Variants in OSBPL3 observed in about 807,000 individuals in gnomAD.
The protein encoded by OSBPL3 is oxysterol-binding protein-related protein 3.
In OSBPL3, 65 loss-of-function variants were observed where a neutral mutation model predicts 120.1. The observed-to-expected ratio is 0.54, with a 90% CI of 0.44 to 0.67. OSBPL3 has a LOEUF of 0.67. Among genes scored for constraint, OSBPL3 ranks in the 30% least tolerant of loss-of-function variants. The probability of loss-of-function intolerance (pLI) is 0.00; values close to 1 mark genes in which losing one functional copy is unlikely to be tolerated. For synonymous variants in OSBPL3, 416 were observed against 402.6 expected (o/e 1.03, Z -0.40); for missense variants, 1,004 against 1,082.1 (o/e 0.93, Z 1.01).
chr7:24,862,918 T>C lies in OSBPL3; in HGVS notation c.870+282A>G, dbSNP rs1584419218. 6.6e-6 allele frequency among the ~76,000 whole-genome samples: 1 copy of C among 152,052 alleles called. No individual in the cohort carries two copies. Among genetic ancestry groups the C allele is most frequent in the Non-Finnish European group, 1.5e-5 (1 of 68,008 alleles). On this transcript the variant is annotated intron_variant, in intron 9 of 22. Coordinates refer to ENST00000313367, the MANE Select transcript of OSBPL3 (RefSeq NM_015550.4). This position sits in a 1 kb window ranked among gnomAD's most constrained non-coding sequence, Gnocchi z 4.4. ...GCACAGGCAGGCTCAACAGTGAAGG[T>C]GGGGAAACCAAAAGCCCTAGAAATG...
intron 1 of OSBPL3, among the ~76,000 whole-genome samples, chr7:24,944,563 G>A (rs1813488172): frequency 6.6e-6 from 1 of 151,932 alleles, no homozygotes; most frequent in Non-Finnish European, 1.5e-5. Context: ...CCAGGAGGCG[G>A]AGGTTGCAGT....
In OSBPL3 at chr7:24,940,903, T is replaced by A. The variant is rs577780246; in HGVS notation, c.-150+38983A>T. 6.6e-6 allele frequency among the ~76,000 whole-genome samples: 1 copy of A among 151,476 alleles called. No individual in the cohort carries two copies. Among genetic ancestry groups the A allele is most frequent in the Non-Finnish European group, 1.5e-5 (1 of 67,922 alleles). On this transcript the variant is annotated intron_variant, in intron 1 of 22. Coordinates refer to ENST00000313367, the MANE Select transcript of OSBPL3 (RefSeq NM_015550.4). This position sits in a 1 kb window ranked among gnomAD's most constrained non-coding sequence, Gnocchi z 4.4. ...GGCGCGATCTCGGCTCACTGCAAGC[T>A]CTGCCTCCCGGGTTCAAGCCATTCT... is the stretch of plus-strand genomic sequence containing the variant.
chr7:24,854,413 G>A lies in OSBPL3; in HGVS notation c.1028-1779C>T, dbSNP rs760271334. 5.9e-5 allele frequency among the ~76,000 whole-genome samples: 9 copies of A among 151,702 alleles called. No individual in the cohort carries two copies. The highest frequency in any genetic ancestry group is 1.3e-4 in the Non-Finnish European group (9 of 67,988). On this transcript the variant is annotated intron_variant, in intron 10 of 22. Transcript: ENST00000313367. The surrounding 1 kb of genome is among the most constrained non-coding windows in gnomAD (Gnocchi z 4.1). ...GGAGGACAACTAAACCTCTCTATAT[G>A]TTGTTGCTGAACTTGTCTGAGGTTG...
intron 22 of OSBPL3, 57 bp from the exon 23 acceptor site, chr7:24,800,336 G>T: frequency 3.0e-6 from 3 of 1,003,136 alleles, no homozygotes; most frequent in Non-Finnish European, 3.1e-6. Context: ...ACATTCTCAA[G>T]TCTCTTTCCT....
rs149799845 is a variant in OSBPL3, at chr7:24,875,088, C to T, written c.97-3019G>A. ...ACAATGAAAACGCCGTCCCACACCC[C>T]AAAGACTTCCCAAAGTGCCATTAGC... On this transcript the variant is annotated intron_variant, in intron 2 of 22. Coordinates refer to ENST00000313367, the MANE Select transcript of OSBPL3 (RefSeq NM_015550.4). 2.8e-3 allele frequency among the ~76,000 whole-genome samples: 427 copies of T among 152,334 alleles called. 1 individual carries two copies. Among genetic ancestry groups the T allele is most frequent in the Middle Eastern group, 6.8e-3 (2 of 294 alleles).
chr7:24,884,556 C>G (rs114842096), intron 2 of OSBPL3, among the ~76,000 whole-genome samples: 1,685 of 152,288 alleles, frequency 0.011, 29 homozygotes, highest in African/African-American at 0.038. Context: ...TGCCACCCAC[C>G]TCCCAGCTGA....
chr7:24,950,841 A>G (rs1433445051), intron 1 of OSBPL3, among the ~76,000 whole-genome samples: 1 of 152,240 alleles, frequency 6.6e-6, no homozygotes, highest in Non-Finnish European at 1.5e-5. Context: ...GTGGTTATGT[A>G]ATTTGGAACT....
chr7:24,965,253 A>G lies in OSBPL3; in HGVS notation c.-150+14633T>C, dbSNP rs1816237623. ...CAAGGAAAAAAGACAATGTAGAAGG[A>G]GCAATAAATCTACAGTAAGAAAATC... On this transcript the variant is annotated intron_variant, in intron 1 of 22. Transcript: ENST00000313367. The surrounding 1 kb of genome is among the most constrained non-coding windows in gnomAD (Gnocchi z 4.3). 6.6e-6 allele frequency among the ~76,000 whole-genome samples: 1 copy of G among 152,246 alleles called. No homozygotes were observed. Among genetic ancestry groups the G allele is most frequent in the Non-Finnish European group, 1.5e-5 (1 of 68,032 alleles).
At chr7:24,826,987 T>G (rs899338017) in intron 16 of OSBPL3, among the ~76,000 whole-genome samples, 5 of 152,188 alleles carry the variant, frequency 3.3e-5, no homozygotes, top group African/African-American at 1.2e-4. Flanking sequence ...ACTTTCCAAC[T>G]CAGACTGTTG....
rs1468915692 is a variant in OSBPL3 at position 24,972,464 on chromosome 7, C to G, written c.-150+7422G>C. Among the ~76,000 whole-genome samples the G allele has an allele frequency of 6.6e-6, 1 of 152,230 alleles. No individual in the cohort carries two copies. The highest frequency in any genetic ancestry group is 2.4e-5 in the African/African-American group (1 of 41,452). On this transcript the variant is annotated intron_variant, in intron 1 of 22. Transcript: ENST00000313367. The surrounding 1 kb of genome is among the most constrained non-coding windows in gnomAD (Gnocchi z 4.3). ...ATTCCCTTTGAGCCACATCTCCCCA[C>G]TGTAATTAATGAATTCTCTGCAACT...
rs1799533193 is a variant in OSBPL3, at chr7:24,854,296, C to T, written c.1028-1662G>A. 6.6e-6 allele frequency among the ~76,000 whole-genome samples: 1 copy of T among 152,088 alleles called. No homozygotes were observed. Among genetic ancestry groups the T allele is most frequent in the East Asian group, 1.9e-4 (1 of 5,192 alleles). ...TAGCACATTACTGAATTCCACAGGGCTGCATTTTTAGAGGTATTGTTATTC... is the reference window on the plus strand; with the variant it reads ...TAGCACATTACTGAATTCCACAGGGTTGCATTTTTAGAGGTATTGTTATTC... On this transcript the variant is annotated intron_variant, in intron 10 of 22. Transcript: ENST00000313367. This position sits in a 1 kb window ranked among gnomAD's most constrained non-coding sequence, Gnocchi z 4.1.
intron 2 of OSBPL3, among the ~76,000 whole-genome samples, chr7:24,889,135 G>A (rs1340176577): frequency 6.6e-6 from 1 of 152,156 alleles, no homozygotes; most frequent in Non-Finnish European, 1.5e-5. Context: ...AGAAAATGTG[G>A]TGCATATACT....
chr7:24,979,133 C>A (rs963733589), intron 1 of OSBPL3, among the ~76,000 whole-genome samples: 2 of 152,096 alleles, frequency 1.3e-5, no homozygotes, highest in African/African-American at 4.8e-5. Context: ...GGTAGGAAAA[C>A]CCAACTGTAG....
Position 24,953,142 on chromosome 7 carries a change from G to C in OSBPL3, c.-150+26744C>G, listed in dbSNP as rs1251593214. 6.6e-6 allele frequency among the ~76,000 whole-genome samples: 1 copy of C among 152,010 alleles called. No homozygotes were observed. Among genetic ancestry groups the C allele is most frequent in the Non-Finnish European group, 1.5e-5 (1 of 68,002 alleles). ...ACAGAGTGAGACCCCGTCTCTAAAA[G>C]GTAAATAAATACATACTCTGGGCTT... On this transcript the variant is annotated intron_variant, in intron 1 of 22. Transcript: ENST00000313367. The surrounding 1 kb of genome is among the most constrained non-coding windows in gnomAD (Gnocchi z 4.3).
intron 13 of OSBPL3, among the ~76,000 whole-genome samples, chr7:24,841,654 C>T (rs1487858594): frequency 1.4e-5 from 2 of 139,982 alleles, no homozygotes; most frequent in Non-Finnish European, 3.0e-5. Context: ...GATATCACAC[C>T]ACTGCACTCC....
chr7:24,842,753 G>A (rs1483193264), intron 12 of OSBPL3, among the ~76,000 whole-genome samples: 1 of 152,198 alleles, frequency 6.6e-6, no homozygotes, highest in East Asian at 1.9e-4. Flanking sequence ...ACTGCTGGAT[G>A]TTTCTTTTTA....
intron 1 of OSBPL3, among the ~76,000 whole-genome samples, chr7:24,979,394 A>C (rs1389899001): frequency 6.6e-6 from 1 of 152,128 alleles, no homozygotes; most frequent in East Asian, 1.9e-4. Flanking sequence ...GGAGCTGAGC[A>C]AGCCGGGGTT....
chr7:24,841,188 CATT>C (rs1237672391), intron 13 of OSBPL3, among the ~76,000 whole-genome samples: 1 of 152,212 alleles, frequency 6.6e-6, no homozygotes, highest in East Asian at 1.9e-4. Context: ...TAAGGGGTAA[CATT>C]ATTAGTACAC....
rs1169833707 is a variant in OSBPL3, at chr7:24,800,058, C to A, written c.*125G>T. The A allele has an allele frequency of 7.5e-6, 4 of 532,124 alleles. No individual in the cohort carries two copies. Among genetic ancestry groups the A allele is most frequent in the Non-Finnish European group, 1.4e-5 (4 of 295,156 alleles). The allele number at this position is 532,124 out of a possible 1,614,324, so 33.0% of individuals were successfully genotyped here. On this transcript the variant is annotated 3_prime_UTR_variant, in exon 23 of 23. Transcript: ENST00000313367. ...AGGAAAATATAGACTTAAAGAGTTA[C>A]AATGCTAAGCTAAGCACAAGTGATC...
Sources: allele counts gnomAD v4.1 joint callset (sites outside exome capture counted in the v4.1 genomes callset), GRCh38; gene constraint gnomAD v4.1.1; non-coding constraint Gnocchi (gnomAD v3.1); transcripts MANE v1.5; gene names NCBI Gene and HGNC (gene_info 2026-07-23, HGNC 2026-07-21).